LMBRD1: variants seen among roughly 807,000 people sequenced by gnomAD.
LMBRD1 encodes the protein lysosomal cobalamin transport escort protein LMBD1.
LMBRD1 carries 64 observed loss-of-function variants against 74.8 expected under a neutral mutation model. The observed-to-expected ratio is 0.86, with a 90% CI of 0.70 to 1.05. LMBRD1 has a LOEUF of 1.05. Ranked by LOEUF, LMBRD1 falls within the 50% of genes least tolerant of loss-of-function variation. LMBRD1 has a pLI of 0.00. For missense variants in LMBRD1, 652 were observed against 645.9 expected (o/e 1.01, Z -0.10); for synonymous variants, 204 against 216.3 (o/e 0.94, Z 0.50).
intron 3 of LMBRD1, among the ~76,000 whole-genome samples, chr6:69,773,405 C>A (rs554620675): frequency 6.6e-6 from 1 of 152,218 alleles, no homozygotes; most frequent in African/African-American, 2.4e-5. Flanking sequence ...TTTAACAGCA[C>A]AAAACACACT....
At chr6:69,712,928 G>A (rs1164607615) in intron 9 of LMBRD1, among the ~76,000 whole-genome samples, 1 of 152,058 alleles carries the variant, frequency 6.6e-6, no homozygotes, top group Non-Finnish European at 1.5e-5. Context: ...TGATGGATAT[G>A]CCCATTACCC....
chr6:69,737,871 TTAATAAA>T, intron 7 of LMBRD1, 64 bp downstream of exon 7: 6 of 974,074 alleles, frequency 6.2e-6, no homozygotes, highest in Non-Finnish European at 9.6e-6. Flanking sequence ...AGAATAAAGT[TTAATAAA>T]TTACTAAGGT....
At chr6:69,752,025 T>C (rs563560407) in intron 4 of LMBRD1, among the ~76,000 whole-genome samples, 1 of 152,304 alleles carries the variant, frequency 6.6e-6, no homozygotes, top group African/African-American at 2.4e-5. Context: ...GAAAAGAAAC[T>C]TAATATTTCA....
At chr6:69,759,936 CAT>C (rs1282601507) in intron 3 of LMBRD1, among the ~76,000 whole-genome samples, 3 of 152,030 alleles carry the variant, frequency 2.0e-5, no homozygotes, top group Admixed American at 6.6e-5. Flanking sequence ...ATAAGTGAAA[CAT>C]AGACTAGTGA....
chr6:69,689,614 A>G (rs1447358987), intron 14 of LMBRD1, among the ~76,000 whole-genome samples: 1 of 152,102 alleles, frequency 6.6e-6, no homozygotes, highest in Non-Finnish European at 1.5e-5. Context: ...CACCATCAAG[A>G]GTGAGATTTT....
chr6:69,735,216 A>G (rs1297034332), intron 7 of LMBRD1, among the ~76,000 whole-genome samples: 2 of 152,248 alleles, frequency 1.3e-5, no homozygotes, highest in Non-Finnish European at 2.9e-5. Context: ...AACACTGGAC[A>G]GGATGCCATT....
chr6:69,790,907 G>A (rs1766067749), intron 1 of LMBRD1, among the ~76,000 whole-genome samples: 1 of 152,152 alleles, frequency 6.6e-6, no homozygotes, highest in Admixed American at 6.5e-5. Context: ...GTCCTGTTCT[G>A]ACAGTTCAAG....
intron 3 of LMBRD1, among the ~76,000 whole-genome samples, chr6:69,756,244 TC>T (rs111654556): frequency 6.6e-6 from 1 of 151,698 alleles, no homozygotes; most frequent in African/African-American, 2.4e-5. Context: ...GCACCCGTAA[TC>T]CCAGCTACTC....
At chr6:69,715,757 G>T (rs1477226837) in intron 8 of LMBRD1, among the ~76,000 whole-genome samples, 1 of 151,896 alleles carries the variant, frequency 6.6e-6, no homozygotes, top group African/African-American at 2.4e-5. Context: ...AATTTTTCCT[G>T]ATCTTCTCCC....
rs1766247044 is a variant in LMBRD1 at position 69,796,862 on chromosome 6, G to A, written c.20C>T (p.Ala7Val). The change falls in exon 1 of 16, where the codon GCC becomes GTC. Residue 7 changes from alanine to valine, a missense_variant. Coordinates refer to ENST00000649934, the MANE Select transcript of LMBRD1 (RefSeq NM_018368.4). MATSGA[A>V]SAELVIGWCI... Reference sequence around the variant, plus strand: ...CCAGCCGATCACCAGCTCCGCCGAGGCCGCGCCAGAAGTCGCCATCTTCGC... The same window carrying A: ...CCAGCCGATCACCAGCTCCGCCGAGACCGCGCCAGAAGTCGCCATCTTCGC... 5.6e-6 allele frequency: 9 copies of A among 1,614,088 alleles called. No homozygotes were observed. Among genetic ancestry groups the A allele is most frequent in the Middle Eastern group, 3.3e-4 (2 of 6,062 alleles).
At chr6:69,726,062 A>G (rs148089715) in intron 7 of LMBRD1, among the ~76,000 whole-genome samples, 1 of 152,352 alleles carries the variant, frequency 6.6e-6, no homozygotes, top group Non-Finnish European at 1.5e-5. Flanking sequence ...ACCATATTAA[A>G]AAGTGGGCCA....
Position 69,676,096 on chromosome 6 carries a change from T to C in LMBRD1, c.*62A>G. 1 of 1,331,760 alleles carries C rather than the reference T, an allele frequency of 7.5e-7. No individual in the cohort carries two copies. Among genetic ancestry groups the C allele is most frequent in the South Asian group, 1.2e-5 (1 of 83,964 alleles). The allele number at this position is 1,331,760 out of a possible 1,614,324, so 82.5% of individuals were successfully genotyped here. On this transcript the variant is annotated 3_prime_UTR_variant, in exon 16 of 16. Coordinates refer to ENST00000649934, the MANE Select transcript of LMBRD1 (RefSeq NM_018368.4). ...TTAGCAAATCCTAATGTTAGTTTAA[T>C]ACTTTAAAAATGCATAACAGATATT...
intron 7 of LMBRD1, among the ~76,000 whole-genome samples, chr6:69,730,609 G>C (rs1766834412): frequency 6.6e-6 from 1 of 152,082 alleles, no homozygotes; most frequent in Non-Finnish European, 1.5e-5. Context: ...TTACATTACA[G>C]TCACTTCAGT....
chr6:69,755,195 G>T (rs1457407061), intron 3 of LMBRD1, among the ~76,000 whole-genome samples: 2 of 152,128 alleles, frequency 1.3e-5, no homozygotes, highest in African/African-American at 2.4e-5. Flanking sequence ...GCCCATCAAT[G>T]ATAGACTGGA....
chr6:69,768,139 A>G (rs1196165330), intron 3 of LMBRD1, among the ~76,000 whole-genome samples: 3 of 151,930 alleles, frequency 2.0e-5, no homozygotes, highest in Admixed American at 1.3e-4. Flanking sequence ...CCACTATGAC[A>G]ATCTCATTTG....
In LMBRD1 at chr6:69,790,327, G is replaced by A. The variant is rs1766051311; in HGVS notation, c.215C>T (p.Ser72Phe). ...TGTACCATTTTGATTTTTCATGTAAGAAACCAAAAATATATCCACTGGTAG... is the reference window on the plus strand; with the variant it reads ...TGTACCATTTTGATTTTTCATGTAAAAAACCAAAAATATATCCACTGGTAG... ...ALLPVDIFLV[S>F]YMKNQNGTFK... The change falls in exon 2 of 16, where the codon TCT becomes TTT. Residue 72 changes from serine to phenylalanine, a missense_variant. By Grantham distance (155) the Ser-to-Phe change is radical. Transcript: ENST00000649934. The A allele has an allele frequency of 1.9e-6, 3 of 1,612,644 alleles. No homozygotes were observed. The highest frequency in any genetic ancestry group is 1.7e-5 in the Admixed American group (1 of 59,956).
At chr6:69,693,690 A>G (rs1309503621) in intron 14 of LMBRD1, among the ~76,000 whole-genome samples, 1 of 151,950 alleles carries the variant, frequency 6.6e-6, no homozygotes, top group East Asian at 1.9e-4. Flanking sequence ...TGTTGTAAAG[A>G]ATAGTGTATA....
Position 69,676,270 on chromosome 6 carries a change from A to G in LMBRD1, c.1511T>C (p.Val504Ala). 1 of 1,612,490 alleles carries G rather than the reference A, an allele frequency of 6.2e-7. No homozygotes were observed. The highest frequency in any genetic ancestry group is 8.5e-7 in the Non-Finnish European group (1 of 1,179,124). Residue 504 changes from valine to alanine, a missense_variant and splice_region_variant, in exon 16 of 16, where the codon GTA becomes GCA. By Grantham distance (64) the Val-to-Ala change is moderately conservative. Coordinates refer to ENST00000649934, the MANE Select transcript of LMBRD1 (RefSeq NM_018368.4). The stretch of plus-strand genomic sequence containing the variant: ...GGATACAATTAATCCAATCAAAAAT[A>G]CCTGTAAATTTAAATAAGCCATGTG... ...YYFGNWAFLG[V>A]FLIGLIVSCC...
chr6:69,755,620 A>C (rs2149879659), intron 3 of LMBRD1, among the ~76,000 whole-genome samples: 1 of 151,792 alleles, frequency 6.6e-6, no homozygotes, highest in Admixed American at 6.6e-5. Flanking sequence ...GTTAACAGGT[A>C]TTCCAAAGCT....
Sources: gnomAD v4.1 joint callset for allele counts (sites outside exome capture counted in the v4.1 genomes callset) on GRCh38, gnomAD v4.1.1 for gene constraint, MANE v1.5 for transcripts, NCBI Gene and HGNC (gene_info 2026-07-23, HGNC 2026-07-21) for gene names.